The following CTIF variants were observed in gnomAD, a reference collection of about 807,000 sequenced individuals.
The protein encoded by CTIF is cap binding complex dependent translation initiation factor.
A neutral mutation model predicts 66.0 loss-of-function variants in CTIF; 21 were observed. The observed-to-expected ratio is 0.32, with a 90% CI of 0.23 to 0.46. The LOEUF is 0.46. CTIF is among the 20% of genes least tolerant of loss of function. The probability of loss-of-function intolerance (pLI) is 1.00; values close to 1 mark genes in which losing one functional copy is unlikely to be tolerated. For synonymous variants in CTIF, 345 were observed against 326.4 expected (o/e 1.06, Z -0.62); for missense variants, 739 against 812.7 (o/e 0.91, Z 1.10).
chr18:48,748,463 A>C (rs779485217), intron 7 of CTIF, among the ~76,000 whole-genome samples: 1 of 152,154 alleles, frequency 6.6e-6, no homozygotes, highest in Non-Finnish European at 1.5e-5. Context: ...GAAAGCCAGA[A>C]GCCTAGAGGT....
chr18:48,816,834 G>C (rs1249951170), intron 9 of CTIF, among the ~76,000 whole-genome samples: 1 of 152,206 alleles, frequency 6.6e-6, no homozygotes, highest in East Asian at 1.9e-4. Flanking sequence ...ATGACTTGGG[G>C]GTTAGCAAAG....
At chr18:48,812,268 A>G (rs903525539) in intron 9 of CTIF, among the ~76,000 whole-genome samples, 1 of 152,196 alleles carries the variant, frequency 6.6e-6, no homozygotes, top group Non-Finnish European at 1.5e-5. Context: ...CCAGCTGGCC[A>G]TACTATTTTT....
At position 48,745,071 on chromosome 18, in the gene CTIF, C is replaced by T. The variant is rs2092585491; in HGVS notation, c.585-12848C>T. Among the ~76,000 whole-genome samples the T allele has an allele frequency of 2.0e-5, 3 of 152,148 alleles. No homozygotes were observed. In the South Asian group the frequency reaches 6.2e-4, roughly 31 times the overall value. On this transcript the variant is annotated intron_variant, in intron 7 of 11. Transcript: ENST00000256413. The stretch of plus-strand genomic sequence containing the variant: ...TCTCCTGACCATGTGATCCGCCTGC[C>T]TCGGCCTCCCAAAGTGCTGGGATTA...
chr18:48,709,087 C>T (rs1674806750), intron 6 of CTIF, among the ~76,000 whole-genome samples: 1 of 152,186 alleles, frequency 6.6e-6, no homozygotes, highest in Admixed American at 6.5e-5. Context: ...ATTTAATCCT[C>T]ACAAGGATTC....
At chr18:48,709,133 A>G (rs1187522434) in intron 6 of CTIF, among the ~76,000 whole-genome samples, 3 of 152,248 alleles carry the variant, frequency 2.0e-5, no homozygotes, top group Admixed American at 6.5e-5. Context: ...TTTTACAGAT[A>G]TGGAAACTGA....
At chr18:48,724,747 G>A (rs1057346087) in intron 7 of CTIF, among the ~76,000 whole-genome samples, 2 of 152,346 alleles carry the variant, frequency 1.3e-5, no homozygotes, top group South Asian at 2.1e-4. Context: ...GAGGGCCGGA[G>A]AGCATCCAGC....
intron 10 of CTIF, among the ~76,000 whole-genome samples, chr18:48,853,682 G>C (rs1170429459): frequency 6.6e-6 from 1 of 152,240 alleles, no homozygotes; most frequent in African/African-American, 2.4e-5. Flanking sequence ...GGCCAATCAA[G>C]CACTCCTACG....
At chr18:48,838,006 C>T (rs1263524760) in intron 10 of CTIF, among the ~76,000 whole-genome samples, 4 of 152,108 alleles carry the variant, frequency 2.6e-5, no homozygotes, top group African/African-American at 9.7e-5. Flanking sequence ...GGAAGAGAGA[C>T]TTTTAAAAAC....
chr18:48,754,560 G>A (rs60762579), intron 7 of CTIF, among the ~76,000 whole-genome samples: 6,800 of 152,232 alleles, frequency 0.045, 298 homozygotes, highest in East Asian at 0.21. Flanking sequence ...GCCCTCCCAG[G>A]GCTCACCCAG....
intron 3 of CTIF, among the ~76,000 whole-genome samples, chr18:48,657,240 A>C (rs953539992): frequency 1.3e-5 from 2 of 152,270 alleles, no homozygotes; most frequent in African/African-American, 4.8e-5. Context: ...ACATATGTGA[A>C]GAGTTAACAT....
Position 48,761,723 on chromosome 18 carries a change from C to T in CTIF, c.1371+34C>T, listed in dbSNP as rs1598994773. 1 of 1,581,418 alleles carries T rather than the reference C, an allele frequency of 6.3e-7. No homozygotes were observed. The highest frequency in any genetic ancestry group is 2.3e-5 in the East Asian group (1 of 44,388). ...ACGCCGGCCACCACCGCCCCGCGCC[C>T]CCTGCCCCTCTGCGTTCGGTGAGTT... On this transcript the variant is annotated intron_variant, in intron 9 of 11. Transcript: ENST00000256413. The surrounding 1 kb of genome is among the most constrained non-coding windows in gnomAD (Gnocchi z 4.2).
intron 9 of CTIF, among the ~76,000 whole-genome samples, chr18:48,791,974 G>A (rs2067803133): frequency 6.6e-6 from 1 of 152,206 alleles, no homozygotes; most frequent in South Asian, 2.1e-4. Context: ...CCTGGGCTAT[G>A]GTGGGATTCA....
chr18:48,746,942 A>C (rs1365724635), intron 7 of CTIF, among the ~76,000 whole-genome samples: 1 of 152,052 alleles, frequency 6.6e-6, no homozygotes, highest in African/African-American at 2.4e-5. Context: ...CCTCACCCCG[A>C]GAACTCACCA....
chr18:48,558,167 C>A (rs1218318030), intron 1 of CTIF, among the ~76,000 whole-genome samples: 1 of 152,154 alleles, frequency 6.6e-6, no homozygotes, highest in South Asian at 2.1e-4. Flanking sequence ...GTAGAACACA[C>A]AATGATTTTC....
At chr18:48,819,309 C>T (rs938265231) in intron 10 of CTIF, among the ~76,000 whole-genome samples, 6 of 152,214 alleles carry the variant, frequency 3.9e-5, no homozygotes, top group Non-Finnish European at 7.3e-5. Flanking sequence ...AGGCTAGGAG[C>T]GGGCCTGCGT....
At position 48,738,473 on chromosome 18, in the gene CTIF, C is replaced by T. The variant is rs138732316; in HGVS notation, c.585-19446C>T. On this transcript the variant is annotated intron_variant, in intron 7 of 11. Transcript: ENST00000256413. Reference sequence around the variant, plus strand: ...CTGCCCTCCCCCTTCACACTCTGCACTCCCGCCACCCTGCCTTCCTGGGTG... The same window carrying T: ...CTGCCCTCCCCCTTCACACTCTGCATTCCCGCCACCCTGCCTTCCTGGGTG... Among the ~76,000 whole-genome samples, 864 of 152,306 alleles carry T rather than the reference C, an allele frequency of 5.7e-3. 7 individuals are homozygous for T. Among genetic ancestry groups the T allele is most frequent in the Non-Finnish European group, 0.01 (691 of 68,026 alleles).
chr18:48,817,493 G>A lies in CTIF; in HGVS notation c.1527+117G>A, dbSNP rs371878033. 4.4e-5 allele frequency: 57 copies of A among 1,300,642 alleles called. No homozygotes were observed. In the African/African-American group the frequency reaches 5.6e-4, roughly 13 times the overall value. The allele number at this position is 1,300,642 out of a possible 1,614,324, so 80.6% of individuals were successfully genotyped here. ...GGCTCACTTAGAAAGGGACCCATCC[G>A]GGCCAGGCACGGTGGCTCACACCTG... is the stretch of plus-strand genomic sequence containing the variant. On this transcript the variant is annotated intron_variant, in intron 10 of 11. Coordinates refer to ENST00000256413, the MANE Select transcript of CTIF (RefSeq NM_014772.3).
chr18:48,667,397 G>A (rs898865851), intron 5 of CTIF, among the ~76,000 whole-genome samples: 3 of 152,194 alleles, frequency 2.0e-5, no homozygotes, highest in Admixed American at 1.3e-4. Flanking sequence ...GGCTTCAGGA[G>A]GGAGACTTCC....
chr18:48,763,019 C>A (rs1038982165), intron 9 of CTIF, among the ~76,000 whole-genome samples: 1 of 152,188 alleles, frequency 6.6e-6, no homozygotes. Context: ...CCCCTGGTGA[C>A]GAATTCCCGC....
Sources: allele counts gnomAD v4.1 joint callset (sites outside exome capture counted in the v4.1 genomes callset), GRCh38; gene constraint gnomAD v4.1.1; non-coding constraint Gnocchi (gnomAD v3.1); transcripts MANE v1.5; gene names NCBI Gene and HGNC (gene_info 2026-07-23, HGNC 2026-07-21).